GNAQ: variants seen among roughly 807,000 people sequenced by gnomAD.
GNAQ encodes the protein G protein subunit alpha q, also known as guanine nucleotide-binding protein G(q) subunit alpha.
Under a neutral mutation model 43.9 loss-of-function variants are expected in GNAQ, and 8 were observed. The ratio of observed to expected loss-of-function variants is 0.18; its 90% CI spans 0.11 to 0.33. The LOEUF (loss-of-function observed/expected upper bound fraction) is 0.33. GNAQ is among the 10% of genes least tolerant of loss of function. The pLI is 1.00. For synonymous variants in GNAQ, 155 were observed against 170.7 expected (o/e 0.91, Z 0.71); for missense variants, 158 against 450.8 (o/e 0.35, Z 5.88).
At chr9:77,938,027 C>T (rs182227625) in intron 1 of GNAQ, among the ~76,000 whole-genome samples, 4 of 152,242 alleles carry the variant, frequency 2.6e-5, no homozygotes, top group Admixed American at 6.5e-5. Flanking sequence ...CCTCACCCCT[C>T]CACCGATACC....
At chr9:77,845,886 A>G (rs1827575979) in intron 2 of GNAQ, among the ~76,000 whole-genome samples, 1 of 152,236 alleles carries the variant, frequency 6.6e-6, no homozygotes, top group African/African-American at 2.4e-5. Context: ...GTCACCGTCA[A>G]CTAAAGAAAG....
At chr9:77,887,698 A>T (rs2118094274) in intron 2 of GNAQ, among the ~76,000 whole-genome samples, 1 of 152,340 alleles carries the variant, frequency 6.6e-6, no homozygotes, top group East Asian at 1.9e-4. Flanking sequence ...TTATTGTTCT[A>T]CCATATATTC....
intron 1 of GNAQ, among the ~76,000 whole-genome samples, chr9:77,924,995 C>T (rs770601291): frequency 2.6e-5 from 4 of 152,020 alleles, no homozygotes; most frequent in Non-Finnish European, 4.4e-5. Context: ...AGCTTCCTCG[C>T]TGCAGTGGCA....
At chr9:77,933,137 G>T (rs978308761) in intron 1 of GNAQ, among the ~76,000 whole-genome samples, 18 of 152,172 alleles carry the variant, frequency 1.2e-4, no homozygotes, top group Admixed American at 2.0e-4. Context: ...GACTACCCAC[G>T]GAGGATGAAA....
chr9:77,738,794 T>C (rs951608384), intron 5 of GNAQ, among the ~76,000 whole-genome samples: 28 of 152,136 alleles, frequency 1.8e-4, no homozygotes, highest in Admixed American at 1.8e-3. Flanking sequence ...GCAGCTACTA[T>C]ATTAGTGCAG....
chr9:77,983,865 A>G (rs1415355131), intron 1 of GNAQ, among the ~76,000 whole-genome samples: 1 of 152,060 alleles, frequency 6.6e-6, no homozygotes, highest in East Asian at 1.9e-4. Context: ...GCTGTATCCT[A>G]AAGGAAGTCC....
chr9:77,810,491 G>A (rs941416611), intron 3 of GNAQ, among the ~76,000 whole-genome samples: 3 of 152,168 alleles, frequency 2.0e-5, no homozygotes, highest in Non-Finnish European at 2.9e-5. Context: ...AATAACACAT[G>A]TAAATGACCA....
chr9:77,970,231 A>AC (rs1261800258), intron 1 of GNAQ, among the ~76,000 whole-genome samples: 25 of 151,654 alleles, frequency 1.6e-4, no homozygotes, highest in South Asian at 4.2e-4. Context: ...ACAAAAAAAA[A>AC]AAAACAAACA....
chr9:77,895,892 T>A (rs866567856), intron 2 of GNAQ, among the ~76,000 whole-genome samples: 7 of 152,136 alleles, frequency 4.6e-5, no homozygotes, highest in African/African-American at 1.4e-4. Context: ...ACGTAAGATA[T>A]GATTTGCTTC....
intron 5 of GNAQ, among the ~76,000 whole-genome samples, chr9:77,746,624 C>T (rs2196498): frequency 0.99 from 151,499 of 152,292 alleles, 75,358 homozygotes; most frequent in East Asian, 1. Flanking sequence ...AAAAAATAAA[C>T]GAAATTACAG....
intron 2 of GNAQ, among the ~76,000 whole-genome samples, chr9:77,899,408 T>A (rs115457333): frequency 6.6e-6 from 1 of 152,098 alleles, no homozygotes; most frequent in Admixed American, 6.6e-5. Flanking sequence ...CATTCACTAA[T>A]GTGTGCATGT....
intron 2 of GNAQ, among the ~76,000 whole-genome samples, chr9:77,836,894 G>C (rs1827396987): frequency 6.6e-6 from 1 of 152,192 alleles, no homozygotes; most frequent in Non-Finnish European, 1.5e-5. Context: ...AGGTGGAGTA[G>C]AGATAGGACA....
At chr9:78,025,662 G>C (rs901160452) in intron 1 of GNAQ, among the ~76,000 whole-genome samples, 15 of 152,114 alleles carry the variant, frequency 9.9e-5, no homozygotes, top group Admixed American at 9.2e-4. Context: ...CCTTCTGAGG[G>C]AGAAAGCAAT....
At chr9:77,908,875 T>C (rs966918307) in intron 2 of GNAQ, among the ~76,000 whole-genome samples, 2 of 152,194 alleles carry the variant, frequency 1.3e-5, no homozygotes, top group African/African-American at 4.8e-5. Flanking sequence ...ATATGCATTT[T>C]AATGAGAGCC....
rs140800893 is a variant in GNAQ, at chr9:77,935,018, T to A, written c.137-12673A>T. Among the ~76,000 whole-genome samples, 179 of 152,088 alleles carry A rather than the reference T, an allele frequency of 1.2e-3. 1 individual carries two copies. The highest frequency in any genetic ancestry group is 1.5e-3 in the Non-Finnish European group (99 of 67,980). ...TGTGGGCCTGTAGTCCTAGCTACTCTGGAGGCTGAGGCAGGAGAATCACTT... is the reference window on the plus strand; with the variant it reads ...TGTGGGCCTGTAGTCCTAGCTACTCAGGAGGCTGAGGCAGGAGAATCACTT... On this transcript the variant is annotated intron_variant, in intron 1 of 6. Transcript: ENST00000286548.
At chr9:77,982,418 T>C (rs1021690294) in intron 1 of GNAQ, among the ~76,000 whole-genome samples, 11 of 152,208 alleles carry the variant, frequency 7.2e-5, no homozygotes, top group African/African-American at 2.2e-4. Flanking sequence ...ATGGGAATAA[T>C]GTTATAGGCT....
At chr9:77,999,229 T>A (rs1823614682) in intron 1 of GNAQ, among the ~76,000 whole-genome samples, 1 of 151,900 alleles carries the variant, frequency 6.6e-6, no homozygotes, top group African/African-American at 2.4e-5. Context: ...AGAATCAGCA[T>A]GCAAAATAAC....
chr9:77,980,736 T>C (rs1823358009), intron 1 of GNAQ, among the ~76,000 whole-genome samples: 1 of 152,136 alleles, frequency 6.6e-6, no homozygotes, highest in Non-Finnish European at 1.5e-5. Context: ...TGTATGTGAA[T>C]CACTTGATAG....
At chr9:77,942,876 T>C (rs1038416495) in intron 1 of GNAQ, among the ~76,000 whole-genome samples, 5 of 152,220 alleles carry the variant, frequency 3.3e-5, no homozygotes, top group African/African-American at 1.2e-4. Flanking sequence ...CTAACAAGCA[T>C]TTACAAATTA....
Sources: gnomAD v4.1 joint callset for allele counts (sites outside exome capture counted in the v4.1 genomes callset) on GRCh38, gnomAD v4.1.1 for gene constraint, MANE v1.5 for transcripts, NCBI Gene and HGNC (gene_info 2026-07-23, HGNC 2026-07-21) for gene names.